Variants in LMLN observed in about 807,000 individuals in gnomAD.
LMLN encodes leishmanolysin-like peptidase.
LMLN carries 70 observed loss-of-function variants against 92.3 expected under a neutral mutation model. The ratio of observed to expected loss-of-function variants is 0.76; its 90% CI spans 0.63 to 0.92. The LOEUF (loss-of-function observed/expected upper bound fraction) is 0.92, where lower values mean the gene tolerates loss of function less well. Among genes scored for constraint, LMLN ranks in the 40% least tolerant of loss-of-function variants. The pLI is 0.00. For synonymous variants in LMLN, 308 were observed against 296.2 expected (o/e 1.04, Z -0.41); for missense variants, 691 against 814.6 (o/e 0.85, Z 1.85).
At chr3:198,014,947 C>T (rs1229513906) in intron 11 of LMLN, among the ~76,000 whole-genome samples, 3 of 135,700 alleles carry the variant, frequency 2.2e-5, no homozygotes, top group East Asian at 2.4e-4. Flanking sequence ...TCTCTCCACC[C>T]TTCAGAGCCC....
At chr3:197,980,594 T>TGGCAAA in intron 6 of LMLN, 90 bp downstream of exon 6, 1 of 1,322,344 alleles carries the variant, frequency 7.6e-7, no homozygotes, top group Non-Finnish European at 1.1e-6. Context: ...TACAGGAATC[T>TGGCAAA]TGCATTTGCC....
intron 15 of LMLN, among the ~76,000 whole-genome samples, chr3:198,038,124 A>C (rs899689695): frequency 5.9e-5 from 9 of 151,658 alleles, no homozygotes; most frequent in African/African-American, 2.2e-4. Context: ...TCTCCCTTGC[A>C]TCCTCACAGT....
exon 5 of LMLN, chr3:197,976,615 A>C: frequency 6.3e-7 from 1 of 1,593,538 alleles, no homozygotes; most frequent in Non-Finnish European, 8.6e-7. Context: ...GCAACAAACC[A>C]ATACCTCCGG....
rs138779904 is a variant in LMLN, at chr3:198,023,126, C to T, written c.1525+1521C>T. Among the ~76,000 whole-genome samples, 341 of 152,122 alleles carry T rather than the reference C, an allele frequency of 2.2e-3. 3 individuals carry two copies. The highest frequency in any genetic ancestry group is 8.0e-3 in the African/African-American group (332 of 41,488). ...TGAAAGCAGTTACAGACAGTATGTACGTGAATGAATGTGCCAGGATTTGGC... is the reference window on the plus strand; with the variant it reads ...TGAAAGCAGTTACAGACAGTATGTATGTGAATGAATGTGCCAGGATTTGGC... On this transcript the variant is annotated intron_variant, in intron 13 of 15. Coordinates refer to ENST00000330198, the Ensembl canonical transcript of LMLN.
intron 14 of LMLN, among the ~76,000 whole-genome samples, chr3:198,034,272 G>C (rs1430450901): frequency 6.6e-6 from 1 of 152,228 alleles, no homozygotes; most frequent in East Asian, 1.9e-4. Flanking sequence ...ATAATTGAAT[G>C]TGAAGTCTTT....
chr3:198,038,417 T>G, intron 15 of LMLN, 150 bp from the exon 17 acceptor site: 1 of 592,100 alleles, frequency 1.7e-6, no homozygotes, highest in South Asian at 2.3e-5. Flanking sequence ...ACAAAAACTT[T>G]TTTATACCTG....
intron 7 of LMLN, among the ~76,000 whole-genome samples, chr3:197,984,493 CTGTT>C (rs1261996868): frequency 3.9e-5 from 6 of 152,006 alleles, no homozygotes; most frequent in South Asian, 2.1e-4. Context: ...GCTGCTGCTG[CTGTT>C]TGTTTGTTTT....
rs529187212 is a variant in LMLN at position 198,033,815 on chromosome 3, A to G, written c.1657-2018A>G. On this transcript the variant is annotated intron_variant, in intron 14 of 15. Transcript: ENST00000330198. ...TCAGCGCCAAGCACGGCGCTTGATC[A>G]AGTCTCGCTTTAAAGAATAATGATG... is the stretch of plus-strand genomic sequence containing the variant. Among the ~76,000 whole-genome samples the G allele has an allele frequency of 2.0e-5, 3 of 152,348 alleles. No individual in the cohort carries two copies. In the South Asian group the frequency reaches 6.2e-4, roughly 32 times the overall value.
At chr3:197,962,241 T>A (rs1720924154) in intron 1 of LMLN, among the ~76,000 whole-genome samples, 2 of 152,194 alleles carry the variant, frequency 1.3e-5, no homozygotes, top group East Asian at 1.9e-4. Flanking sequence ...TTATATGGTA[T>A]GTACTCCTCT....
At chr3:197,982,223 CTTT>C (rs1241377836) in intron 6 of LMLN, among the ~76,000 whole-genome samples, 3 of 116,550 alleles carry the variant, frequency 2.6e-5, no homozygotes, top group East Asian at 2.3e-4. Context: ...CAGTTACCTT[CTTT>C]TTTTTTTTTT....
At chr3:197,997,854 C>G (rs189693815) in intron 10 of LMLN, among the ~76,000 whole-genome samples, 127 of 152,226 alleles carry the variant, frequency 8.3e-4, no homozygotes, top group Non-Finnish European at 1.5e-3. Context: ...CATAACAGTT[C>G]TGTGTTAATG....
chr3:198,038,361 A>G (rs1462450474), intron 15 of LMLN: 1 of 494,440 alleles, frequency 2.0e-6, no homozygotes, highest in African/African-American at 1.9e-5. Flanking sequence ...CATAGTGGAT[A>G]CATCATTTCT....
At chr3:198,038,455 G>A in intron 15 of LMLN, 112 bp from the exon 17 acceptor site, 4 of 779,430 alleles carry the variant, frequency 5.1e-6, no homozygotes, top group Non-Finnish European at 8.7e-6. Context: ...AGCTCTCAAG[G>A]TGGTCCTTGT....
Position 198,035,846 on chromosome 3 carries a change from C to G in LMLN, c.1670C>G (p.Pro557Arg), listed in dbSNP as rs780328793. 9 of 1,613,466 alleles carry G rather than the reference C, an allele frequency of 5.6e-6. No individual in the cohort carries two copies. In the East Asian group the frequency reaches 2.0e-4, roughly 36 times the overall value. Residue 557 changes from proline to arginine, a missense_variant, in exon 15 of 16, where the codon CCT (proline) becomes CGT (arginine). Transcript: ENST00000330198. ...TCCTGTTTGAAGGTTTCTTGTTCTCCTCAAGGTCTGAAAGTTTGGGTCCAA... is the reference window on the plus strand; with the variant it reads ...TCCTGTTTGAAGGTTTCTTGTTCTCGTCAAGGTCTGAAAGTTTGGGTCCAA...
In LMLN at chr3:197,999,358, C is replaced by T. The variant is rs754234857; in HGVS notation, c.1232+16C>T. 7 of 1,542,446 alleles carry T rather than the reference C, an allele frequency of 4.5e-6. No individual in the cohort carries two copies. Among genetic ancestry groups the T allele is most frequent in the African/African-American group, 1.4e-5 (1 of 73,424 alleles). On this transcript the variant is annotated intron_variant, in intron 11 of 15. Coordinates refer to ENST00000330198, the Ensembl canonical transcript of LMLN. ...AGGACACTGGGTAAGACAGCTGTGA[C>T]AAGAGGATATGAATTGCTTATGAAA...
chr3:198,002,082 A>G (rs1168750638), intron 11 of LMLN, among the ~76,000 whole-genome samples: 3 of 152,222 alleles, frequency 2.0e-5, no homozygotes, highest in Admixed American at 6.5e-5. Flanking sequence ...AATAAATAAA[A>G]ACTAAAACAA....
At position 198,011,249 on chromosome 3, in the gene LMLN, A is replaced by G. The variant is rs1229328885; in HGVS notation, c.1233-8004A>G. Among the ~76,000 whole-genome samples, 6 of 152,280 alleles carry G rather than the reference A, an allele frequency of 3.9e-5. No individual in the cohort carries two copies. The Middle Eastern group carries it at 0.014, about 345-fold the overall frequency. On this transcript the variant is annotated intron_variant, in intron 11 of 15. Transcript: ENST00000330198. ...TAACTTGTCATTTAGTATTAGGTATATCTCCTAATGCTATCCCTCCTCACT... is the reference window on the plus strand; with the variant it reads ...TAACTTGTCATTTAGTATTAGGTATGTCTCCTAATGCTATCCCTCCTCACT...
intron 12 of LMLN, 55 bp from the exon 14 acceptor site, chr3:198,021,391 C>G: frequency 6.4e-7 from 1 of 1,555,088 alleles, no homozygotes; most frequent in Non-Finnish European, 8.8e-7. Context: ...TGCACTTCCT[C>G]AATTTTATAC....
intron 11 of LMLN, among the ~76,000 whole-genome samples, chr3:198,012,929 A>G (rs549156505): frequency 5.6e-4 from 68 of 120,744 alleles, no homozygotes; most frequent in African/African-American, 2.7e-3. Flanking sequence ...TCCCCTAACT[A>G]GTCTGACTTC....
Sources: gnomAD v4.1 joint callset for allele counts (sites outside exome capture counted in the v4.1 genomes callset) on GRCh38, gnomAD v4.1.1 for gene constraint, MANE v1.5 for transcripts, NCBI Gene and HGNC (gene_info 2026-07-23, HGNC 2026-07-21) for gene names.